DYNC1I1: variants seen among roughly 807,000 people sequenced by gnomAD.
DYNC1I1 encodes dynein cytoplasmic 1 intermediate chain 1, also known as cytoplasmic dynein 1 intermediate chain 1.
A neutral mutation model predicts 86.6 loss-of-function variants in DYNC1I1; 43 were observed. That is an observed-to-expected ratio of 0.50 (90% CI 0.39 to 0.64). The LOEUF (loss-of-function observed/expected upper bound fraction) is 0.64, where lower values mean the gene tolerates loss of function less well. Ranked by LOEUF, DYNC1I1 falls within the 30% of genes least tolerant of loss-of-function variation. The probability of loss-of-function intolerance (pLI) is 0.00; values close to 1 mark genes in which losing one functional copy is unlikely to be tolerated. For synonymous variants in DYNC1I1, 262 were observed against 283.7 expected (o/e 0.92, Z 0.77); for missense variants, 604 against 788.8 (o/e 0.77, Z 2.81).
At chr7:95,823,537 A>G (rs2690285) in intron 4 of DYNC1I1, among the ~76,000 whole-genome samples, 2,808 of 152,270 alleles carry the variant, frequency 0.018, 93 homozygotes, top group African/African-American at 0.064. Context: ...AAATATTCAT[A>G]TGTCTCATTT....
chr7:95,782,001 T>G (rs1208613074), intron 1 of DYNC1I1, among the ~76,000 whole-genome samples: 2 of 152,180 alleles, frequency 1.3e-5, no homozygotes, highest in African/African-American at 4.8e-5. Flanking sequence ...CAAAAAAATT[T>G]TCTTGGCCAC....
chr7:96,045,929 A>G (rs1789198989), intron 14 of DYNC1I1, among the ~76,000 whole-genome samples: 1 of 152,200 alleles, frequency 6.6e-6, no homozygotes, highest in Admixed American at 6.5e-5. Flanking sequence ...AGGATTCAGA[A>G]GAGGATGCTA....
rs904280009 is a variant in DYNC1I1 at position 96,105,101 on chromosome 7, T to C, written c.1543-4878T>C. Among the ~76,000 whole-genome samples the C allele has an allele frequency of 2.6e-5, 4 of 152,002 alleles. No individual in the cohort carries two copies. In the East Asian group the frequency reaches 5.8e-4, roughly 22 times the overall value. ...TTTTATGCTATTGTAAATACTATTG[T>C]TATTATTTTTCAATTTTTTAACAAA... On this transcript the variant is annotated intron_variant, in intron 16 of 16. Transcript: ENST00000537881.
At chr7:95,912,877 T>G (rs899336923) in intron 6 of DYNC1I1, among the ~76,000 whole-genome samples, 4 of 152,208 alleles carry the variant, frequency 2.6e-5, no homozygotes, top group South Asian at 2.1e-4. Flanking sequence ...AAGATGGACT[T>G]CCTGTATCTT....
chr7:95,843,784 A>G (rs1789353683), intron 5 of DYNC1I1, among the ~76,000 whole-genome samples: 1 of 152,248 alleles, frequency 6.6e-6, no homozygotes, highest in Non-Finnish European at 1.5e-5. Context: ...AGGCAAATAC[A>G]TACGGAAGTA....
intron 9 of DYNC1I1, 80 bp from the exon 10 acceptor site, chr7:95,995,868 C>T: frequency 6.6e-7 from 1 of 1,526,060 alleles, no homozygotes; most frequent in East Asian, 2.3e-5. Context: ...GTGTAGTATA[C>T]CACGTGTATG....
chr7:96,086,785 A>G (rs1790693877), intron 16 of DYNC1I1, among the ~76,000 whole-genome samples: 1 of 152,218 alleles, frequency 6.6e-6, no homozygotes. Context: ...GTCCATTTGA[A>G]TATATTTTAA....
intron 5 of DYNC1I1, among the ~76,000 whole-genome samples, chr7:95,840,557 A>G (rs1235786298): frequency 1.3e-5 from 2 of 152,182 alleles, no homozygotes; most frequent in African/African-American, 4.8e-5. Flanking sequence ...CCATTTCATT[A>G]AGGTAGGTTT....
At chr7:96,033,096 G>A (rs745887922) in intron 12 of DYNC1I1, among the ~76,000 whole-genome samples, 2 of 152,202 alleles carry the variant, frequency 1.3e-5, no homozygotes, top group African/African-American at 2.4e-5. Flanking sequence ...CAGCATTGTT[G>A]AACAGATGCA....
intron 14 of DYNC1I1, among the ~76,000 whole-genome samples, chr7:96,043,121 A>G (rs1789104676): frequency 6.6e-6 from 1 of 150,836 alleles, no homozygotes; most frequent in Non-Finnish European, 1.5e-5. Flanking sequence ...GTGAACCGAG[A>G]TCGTGCCACT....
intron 6 of DYNC1I1, among the ~76,000 whole-genome samples, chr7:95,930,118 A>G (rs1375244840): frequency 6.6e-6 from 1 of 152,246 alleles, no homozygotes; most frequent in Non-Finnish European, 1.5e-5. Flanking sequence ...CAGAATCAGG[A>G]CAGCCCATTT....
At chr7:95,911,191 TAGAAC>T (rs1408122732) in intron 6 of DYNC1I1, among the ~76,000 whole-genome samples, 1 of 152,104 alleles carries the variant, frequency 6.6e-6, no homozygotes, top group African/African-American at 2.4e-5. Context: ...TGTCAAAAAT[TAGAAC>T]AGAGCAGGAG....
chr7:96,103,858 C>T (rs1044449019), intron 16 of DYNC1I1, among the ~76,000 whole-genome samples: 4 of 152,138 alleles, frequency 2.6e-5, no homozygotes, highest in East Asian at 3.9e-4. Flanking sequence ...GTGATCCACC[C>T]GCCTCAGCCT....
At chr7:95,954,294 G>A (rs1792640508) in intron 6 of DYNC1I1, among the ~76,000 whole-genome samples, 1 of 150,830 alleles carries the variant, frequency 6.6e-6, no homozygotes, top group Non-Finnish European at 1.5e-5. Context: ...CTGGCCACAT[G>A]AGGCTATTTA....
intron 10 of DYNC1I1, among the ~76,000 whole-genome samples, chr7:96,015,967 C>A (rs1473247451): frequency 4.6e-5 from 7 of 152,218 alleles, no homozygotes; most frequent in Admixed American, 2.6e-4. Flanking sequence ...TAGACATAGT[C>A]CTAGAGGTCA....
At position 95,783,389 on chromosome 7, in the gene DYNC1I1, A is replaced by G. The variant is rs540349303; in HGVS notation, c.-10+10616A>G. Among the ~76,000 whole-genome samples the G allele has an allele frequency of 4.6e-5, 7 of 152,372 alleles. No individual in the cohort carries two copies. The East Asian group carries it at 1.3e-3, about 29-fold the overall frequency. ...ATTTAGAACTTATGGAATGCCAGCC[A>G]TGAGTGAGACTGAGTGCTTGGTGGG... On this transcript the variant is annotated intron_variant, in intron 1 of 16. Transcript: ENST00000447467.
intron 6 of DYNC1I1, among the ~76,000 whole-genome samples, chr7:95,968,015 G>A (rs986940516): frequency 2.0e-5 from 3 of 152,142 alleles, no homozygotes; most frequent in Non-Finnish European, 4.4e-5. Context: ...TCAGCTTTTA[G>A]TCTGCATGTC....
chr7:96,085,144 T>G (rs996767615), intron 16 of DYNC1I1, among the ~76,000 whole-genome samples: 2 of 152,210 alleles, frequency 1.3e-5, no homozygotes, highest in Admixed American at 6.5e-5. Context: ...CTGTCCCAGC[T>G]GAGGCTGCAG....
chr7:96,012,604 C>T (rs1010644923), intron 10 of DYNC1I1, among the ~76,000 whole-genome samples: 7 of 152,044 alleles, frequency 4.6e-5, no homozygotes, highest in Non-Finnish European at 8.8e-5. Flanking sequence ...AACATGAGCT[C>T]GAGTGAGTAT....
Sources: allele counts gnomAD v4.1 joint callset (sites outside exome capture counted in the v4.1 genomes callset), GRCh38; gene constraint gnomAD v4.1.1; transcripts MANE v1.5; gene names NCBI Gene and HGNC (gene_info 2026-07-23, HGNC 2026-07-21).